Variants in MKKS observed in about 807,000 individuals in gnomAD.
MKKS encodes the protein molecular chaperone MKKS.
In MKKS, 29 loss-of-function variants were observed where a neutral mutation model predicts 33.2. That is an observed-to-expected ratio of 0.87 (90% CI 0.65 to 1.19). MKKS has a LOEUF of 1.19. Among genes scored for constraint, MKKS ranks in the 50% most tolerant of loss-of-function variants. The pLI, the probability that MKKS is intolerant of heterozygous loss-of-function variation, is 0.00. For synonymous variants in MKKS, 260 were observed against 244.0 expected (o/e 1.07, Z -0.61); for missense variants, 661 against 662.3 (o/e 1.00, Z 0.02).
In MKKS at chr20:10,405,629, T is replaced by TGAA. The variant is rs1229621551; in HGVS notation, c.1328_1330dup (p.Leu443dup). ...ACTGCAAAATGCTTCAGCAATTAATTGAAGTTCTGTTTGAGTACATTCATC... is the reference window on the plus strand; with the variant it reads ...ACTGCAAAATGCTTCAGCAATTAATTGAAGAAGTTCTGTTTGAGTACATTCATC... On this transcript the variant is annotated inframe_insertion, in exon 6 of 6. Transcript: ENST00000347364. The TGAA allele has an allele frequency of 6.2e-7, 1 of 1,614,182 alleles. No homozygotes were observed.
chr20:10,408,602 T>C (rs749489240), intron 4 of MKKS, 26 bp downstream of exon 4: 2 of 1,610,386 alleles, frequency 1.2e-6, no homozygotes, highest in South Asian at 1.1e-5. Context: ...AGCCTCTGCA[T>C]ATGGAATTCA....
chr20:10,426,107 T>A (rs1054495393), intron 1 of MKKS, among the ~76,000 whole-genome samples: 1 of 152,254 alleles, frequency 6.6e-6, no homozygotes, highest in Admixed American at 6.5e-5. Flanking sequence ...TTTTTCATTT[T>A]GTTTTGCTTT....
chr20:10,402,586 A>G lies in MKKS; in HGVS notation c.*2661T>C, dbSNP rs1324443818. On this transcript the variant is annotated 3_prime_UTR_variant, in exon 6 of 6. Transcript: ENST00000347364. ...CAAAGCTAAAAATGATAGAATTTAAAAAGTGGCTATCGTGAAAAGTAGAAG... is the reference window on the plus strand; with the variant it reads ...CAAAGCTAAAAATGATAGAATTTAAGAAGTGGCTATCGTGAAAAGTAGAAG... 1 of 152,238 alleles carries G rather than the reference A, an allele frequency of 6.6e-6. No individual in the cohort carries two copies. The highest frequency in any genetic ancestry group is 1.5e-5 in the Non-Finnish European group (1 of 68,038). 9.4% of individuals were successfully genotyped at this position (152,238 alleles called of 1,614,324 possible).
intron 3 of MKKS, among the ~76,000 whole-genome samples, chr20:10,409,715 G>A (rs1297759478): frequency 1.3e-5 from 2 of 152,044 alleles, no homozygotes; most frequent in Non-Finnish European, 1.5e-5. Context: ...GCTCATGCCT[G>A]TAATCCCAGC....
chr20:10,427,061 C>CACACACACACACACACACACACACAA (rs2065020524), intron 1 of MKKS, among the ~76,000 whole-genome samples: 1 of 144,696 alleles, frequency 6.9e-6, no homozygotes, highest in African/African-American at 2.5e-5. Flanking sequence ...CACACACACA[C>CACACACACACACACACACACACACAA]ACACACACAC....
chr20:10,433,540 C>T (rs974408166), intron 1 of MKKS, among the ~76,000 whole-genome samples: 1 of 152,144 alleles, frequency 6.6e-6, no homozygotes, highest in Non-Finnish European at 1.5e-5. Flanking sequence ...TCTGAAACGG[C>T]AACAGGATTT....
chr20:10,405,774 T>G, intron 5 of MKKS, 87 bp from the exon 6 acceptor site: 2 of 1,236,934 alleles, frequency 1.6e-6, no homozygotes, highest in Non-Finnish European at 2.3e-6. Flanking sequence ...ATCAAAATCT[T>G]ATTCCTAAAG....
intron 1 of MKKS, among the ~76,000 whole-genome samples, chr20:10,423,132 C>G (rs1178860960): frequency 1.3e-5 from 2 of 151,986 alleles, no homozygotes; most frequent in South Asian, 2.1e-4. Flanking sequence ...GAAAAAAAAC[C>G]CTAGCTTATA....
At chr20:10,406,638 A>G (rs959505807) in intron 5 of MKKS, among the ~76,000 whole-genome samples, 1 of 152,232 alleles carries the variant, frequency 6.6e-6, no homozygotes, top group African/African-American at 2.4e-5. Flanking sequence ...ACATGTCTGT[A>G]TTAGCAAACT....
At chr20:10,408,002 A>G (rs534495340) in intron 4 of MKKS, among the ~76,000 whole-genome samples, 43 of 152,326 alleles carry the variant, frequency 2.8e-4, no homozygotes, top group Non-Finnish European at 5.1e-4. Flanking sequence ...AGACGAATAT[A>G]TGGCCTCAAA....
chr20:10,425,350 T>C (rs781521538), intron 1 of MKKS, among the ~76,000 whole-genome samples: 3 of 152,244 alleles, frequency 2.0e-5, no homozygotes, highest in East Asian at 1.9e-4. Context: ...CAATGCTTTA[T>C]TGCAAAATAT....
chr20:10,421,416 CAAAA>C (rs57038274), intron 1 of MKKS, among the ~76,000 whole-genome samples: 19,680 of 86,060 alleles, frequency 0.23, 1,316 homozygotes, highest in East Asian at 0.37. Context: ...GACTCCATCA[CAAAA>C]AAAAAAAAAA....
intron 1 of MKKS, among the ~76,000 whole-genome samples, chr20:10,426,718 T>C (rs1266717686): frequency 1.3e-5 from 2 of 152,212 alleles, no homozygotes; most frequent in African/African-American, 4.8e-5. Flanking sequence ...TGGCTGATTT[T>C]CATGTCAGGT....
intron 3 of MKKS, among the ~76,000 whole-genome samples, chr20:10,410,908 A>G (rs2064879928): frequency 6.6e-6 from 1 of 151,954 alleles, no homozygotes; most frequent in African/African-American, 2.4e-5. Flanking sequence ...AGCTATGGCT[A>G]TTAATGCCAT....
At chr20:10,410,976 TC>T (rs1222209302) in intron 3 of MKKS, among the ~76,000 whole-genome samples, 1 of 151,766 alleles carries the variant, frequency 6.6e-6, no homozygotes, top group African/African-American at 2.4e-5. Flanking sequence ...CAATATGGTT[TC>T]TACGGGAAAA....
chr20:10,410,027 T>G (rs1029559635), intron 3 of MKKS, among the ~76,000 whole-genome samples: 1 of 144,552 alleles, frequency 6.9e-6, no homozygotes, highest in African/African-American at 2.5e-5. Flanking sequence ...TAAAAACACT[T>G]CCATCTCAAA....
chr20:10,412,712 A>C lies in MKKS; in HGVS notation c.803T>G (p.Leu268Arg), dbSNP rs375902906. Residue 268 changes from leucine (L) to arginine (R), a missense_variant, in exon 3 of 6, where the codon CTT becomes CGT. By Grantham distance (102) the Leu-to-Arg change is moderately radical. Transcript: ENST00000347364. ...CAGCTGGTCCAAGACTGCATTTTCA[A>C]GAGAAACCCCATAACTGACCACCAC... ...GTVVVSYGVS[L>R]ENAVLDQLLN... 6.5e-5 allele frequency: 105 copies of C among 1,614,046 alleles called. No homozygotes were observed. The highest frequency in any genetic ancestry group is 8.6e-5 in the Non-Finnish European group (101 of 1,180,038).
In MKKS at chr20:10,405,227, A is replaced by G; in HGVS notation, c.*20T>C. On this transcript the variant is annotated 3_prime_UTR_variant, in exon 6 of 6. Coordinates refer to ENST00000347364, the MANE Select transcript of MKKS (RefSeq NM_170784.3). ...AGACTAGTTTATTTGTTTCTCTTGT[A>G]ATACGAACATGCTATTCTCTTAGTT... 6.3e-7 allele frequency: 1 copy of G among 1,578,594 alleles called. No individual in the cohort carries two copies. The highest frequency in any genetic ancestry group is 8.6e-7 in the Non-Finnish European group (1 of 1,156,228).
chr20:10,429,775 C>T lies in MKKS; in HGVS notation c.-649+4333G>A, dbSNP rs555856765. Among the ~76,000 whole-genome samples the T allele has an allele frequency of 2.0e-5, 3 of 152,270 alleles. No homozygotes were observed. In the South Asian group the frequency reaches 6.2e-4, roughly 32 times the overall value. ...GACCCTCGCGCCCTCACATGACCTC[C>T]TTGCTTCAATTCCAGTAGTTCTCAA... On this transcript the variant is annotated intron_variant, in intron 1 of 5. Transcript: ENST00000347364.
Sources: gnomAD v4.1 joint callset for allele counts (sites outside exome capture counted in the v4.1 genomes callset) on GRCh38, gnomAD v4.1.1 for gene constraint, MANE v1.5 for transcripts, NCBI Gene and HGNC (gene_info 2026-07-23, HGNC 2026-07-21) for gene names.